Variants in RGPD2 observed in about 807,000 individuals in gnomAD.
RGPD2 encodes RANBP2 like and GRIP domain containing 2, also known as RANBP2-like and GRIP domain-containing protein 2.
Under a neutral mutation model 36.0 loss-of-function variants are expected in RGPD2, and 2 were observed. The ratio of observed to expected loss-of-function variants is 0.06; its 90% confidence interval spans 0.02 to 0.17. The LOEUF (loss-of-function observed/expected upper bound fraction) is 0.17. Among genes scored for constraint, RGPD2 ranks in the 10% least tolerant of loss-of-function variants. The pLI, the probability that RGPD2 is intolerant of heterozygous loss-of-function variation, is 1.00. For synonymous variants in RGPD2, 19 were observed against 163.8 expected (o/e 0.12, Z 6.75); for missense variants, 40 against 464.3 (o/e 0.09, Z 8.40).
At chr2:87,916,999 G>A in the RGPD2 span, among the ~76,000 whole-genome samples, 5 of 152,058 alleles carry the variant, frequency 3.3e-5, no homozygotes, top group Non-Finnish European at 5.9e-5. Context: ...GCCAAAGGAC[G>A]CTTATTTGAT....
the RGPD2 span, among the ~76,000 whole-genome samples, chr2:87,935,277 G>A: frequency 2.6e-4 from 39 of 149,318 alleles, no homozygotes; most frequent in East Asian, 4.0e-4. Context: ...CTATCTTTCC[G>A]GTATTTCTAG....
intron 4 of RGPD2, among the ~76,000 whole-genome samples, chr2:87,815,089 C>T (rs1686243115): frequency 7.1e-6 from 1 of 140,614 alleles, no homozygotes; most frequent in Non-Finnish European, 1.5e-5. Flanking sequence ...AATAGAGTAG[C>T]TCTGTATCTT....
the RGPD2 span, among the ~76,000 whole-genome samples, chr2:87,915,965 A>C: frequency 6.7e-6 from 1 of 150,302 alleles, no homozygotes; most frequent in Non-Finnish European, 1.5e-5. Context: ...GAAAGAGAGA[A>C]AGGCAAACTA....
At chr2:87,972,335 GT>G in the RGPD2 span, among the ~76,000 whole-genome samples, 1 of 120,828 alleles carries the variant, frequency 8.3e-6, no homozygotes, top group South Asian at 3.2e-4. Flanking sequence ...CAACTCCCTT[GT>G]TGTTATCTCA....
chr2:87,807,432 G>C (rs988634225), intron 6 of RGPD2, among the ~76,000 whole-genome samples: 2 of 146,540 alleles, frequency 1.4e-5, no homozygotes, highest in Admixed American at 1.4e-4. Flanking sequence ...TATCGCCTGG[G>C]CTGGAGTGTA....
the RGPD2 span, among the ~76,000 whole-genome samples, chr2:87,968,386 G>T: frequency 6.7e-6 from 1 of 149,142 alleles, no homozygotes; most frequent in South Asian, 2.1e-4. Context: ...AACTAGCCTG[G>T]GCAACATGGC....
upstream of RGPD2, among the ~76,000 whole-genome samples, chr2:87,830,458 C>T (rs1400252629): frequency 2.0e-5 from 3 of 152,066 alleles, no homozygotes; most frequent in Admixed American, 1.3e-4. Context: ...TCTAAACTTT[C>T]TCACATTTTT....
the RGPD2 span, among the ~76,000 whole-genome samples, chr2:87,983,892 G>A: frequency 2.0e-5 from 3 of 152,280 alleles, no homozygotes. Flanking sequence ...AAAGCATTAA[G>A]AAATAAGACC....
At chr2:87,915,899 A>G in the RGPD2 span, among the ~76,000 whole-genome samples, 5 of 151,730 alleles carry the variant, frequency 3.3e-5, no homozygotes, top group African/African-American at 1.2e-4. Flanking sequence ...AATAAATAAC[A>G]TATAAAGAAG....
chr2:87,883,545 GC>G, the RGPD2 span, among the ~76,000 whole-genome samples: 5 of 151,788 alleles, frequency 3.3e-5, no homozygotes, highest in Non-Finnish European at 5.9e-5. Context: ...AAAAAACAAA[GC>G]CCAGTTATAT....
At chr2:87,915,274 G>A in the RGPD2 span, among the ~76,000 whole-genome samples, 4,580 of 84,708 alleles carry the variant, frequency 0.054, 377 homozygotes, top group African/African-American at 0.13. Context: ...GTGTGTGTGT[G>A]TATATATATA....
At chr2:87,869,818 G>A in the RGPD2 span, among the ~76,000 whole-genome samples, 18 of 152,000 alleles carry the variant, frequency 1.2e-4, no homozygotes, top group Middle Eastern at 6.8e-3. Context: ...AGAAGTTAAC[G>A]TAATACAGTA....
At chr2:87,876,322 G>A in the RGPD2 span, among the ~76,000 whole-genome samples, 1 of 151,556 alleles carries the variant, frequency 6.6e-6, no homozygotes, top group Non-Finnish European at 1.5e-5. Flanking sequence ...GTGATGTTAG[G>A]TTGTTAACTT....
At chr2:87,876,888 C>T in the RGPD2 span, among the ~76,000 whole-genome samples, 1 of 152,060 alleles carries the variant, frequency 6.6e-6, no homozygotes, top group African/African-American at 2.4e-5. Flanking sequence ...CTGGGTGCTC[C>T]TATATTAGGT....
At chr2:87,951,857 A>G in the RGPD2 span, among the ~76,000 whole-genome samples, 1 of 146,850 alleles carries the variant, frequency 6.8e-6, no homozygotes, top group Admixed American at 6.9e-5. Context: ...TTCTGGGATT[A>G]CAGGCACGAG....
At chr2:87,982,217 C>T in the RGPD2 span, among the ~76,000 whole-genome samples, 5 of 33,886 alleles carry the variant, frequency 1.5e-4, no homozygotes, top group African/African-American at 2.7e-4. Flanking sequence ...TGGACCCTTA[C>T]CCTTCATCTA....
the RGPD2 span, among the ~76,000 whole-genome samples, chr2:87,934,415 G>C: frequency 1.4e-5 from 2 of 142,036 alleles, no homozygotes; most frequent in Non-Finnish European, 3.0e-5. Flanking sequence ...AATGCTCTAT[G>C]CACACTGCTA....
the RGPD2 span, among the ~76,000 whole-genome samples, chr2:87,930,998 A>T: frequency 3.1e-5 from 2 of 64,788 alleles, no homozygotes; most frequent in African/African-American, 6.6e-5. Flanking sequence ...TATCTATTTC[A>T]TTAATTTTTT....
intron 6 of RGPD2, among the ~76,000 whole-genome samples, chr2:87,809,317 G>A (rs1352333509): frequency 2.0e-5 from 3 of 149,620 alleles, no homozygotes; most frequent in Admixed American, 1.3e-4. Context: ...AAAAAAAAAA[G>A]ATCGAGACCA....
Sources: allele counts gnomAD v4.1 joint callset (sites outside exome capture counted in the v4.1 genomes callset), GRCh38; gene constraint gnomAD v4.1.1; transcripts MANE v1.5; gene names NCBI Gene and HGNC (gene_info 2026-07-23, HGNC 2026-07-21).